OGFOD1: variants seen among roughly 807,000 people sequenced by gnomAD.
The protein encoded by OGFOD1 is 2-oxoglutarate and iron dependent oxygenase domain containing 1, also known as prolyl 3-hydroxylase OGFOD1.
In OGFOD1, 54 loss-of-function variants were observed where a neutral mutation model predicts 67.7. The ratio of observed to expected loss-of-function variants is 0.80; its 90% CI spans 0.64 to 1.00. The LOEUF is 1.00. OGFOD1 is among the 50% of genes least tolerant of loss of function. OGFOD1 has a pLI of 0.00. For missense variants in OGFOD1, 606 were observed against 646.7 expected, an observed-to-expected ratio of 0.94 and a Z score of 0.68; for synonymous variants, 221 against 227.0, an observed-to-expected ratio of 0.97 and a Z score of 0.24.
chr16:56,457,177 CAATTT>C (rs1264987590), intron 2 of OGFOD1, among the ~76,000 whole-genome samples: 1 of 152,080 alleles, frequency 6.6e-6, no homozygotes, highest in Non-Finnish European at 1.5e-5. Flanking sequence ...AAAGTGGAAA[CAATTT>C]AATGAATAAA....
chr16:56,467,416 T>A, intron 7 of OGFOD1, 123 bp downstream of exon 7: 2 of 991,696 alleles, frequency 2.0e-6, no homozygotes, highest in South Asian at 1.7e-5. Flanking sequence ...TCCACTTTTC[T>A]TTTTTTTTTC....
At chr16:56,472,535 T>C (rs1268659983) in intron 10 of OGFOD1, among the ~76,000 whole-genome samples, 8 of 152,200 alleles carry the variant, frequency 5.3e-5, no homozygotes, top group South Asian at 2.1e-4. Flanking sequence ...GTGCTAAACA[T>C]TGGCATAGCT....
chr16:56,478,706 G>C lies in OGFOD1; in HGVS notation c.*2501G>C, dbSNP rs1274536016. 1.3e-5 allele frequency: 2 copies of C among 152,156 alleles called. No individual in the cohort carries two copies. Among genetic ancestry groups the C allele is most frequent in the Non-Finnish European group, 2.9e-5 (2 of 68,042 alleles). 9.4% of individuals were successfully genotyped at this position (152,156 alleles called of 1,614,324 possible). On this transcript the variant is annotated 3_prime_UTR_variant, in exon 13 of 13. Coordinates refer to ENST00000566157, the MANE Select transcript of OGFOD1 (RefSeq NM_018233.4). ...ATCTGAATCTTAGAATACCTCACAAGTGTTAAAATGTGCTTTTTAGTGTCT... is the reference window on the plus strand; with the variant it reads ...ATCTGAATCTTAGAATACCTCACAACTGTTAAAATGTGCTTTTTAGTGTCT...
intron 8 of OGFOD1, among the ~76,000 whole-genome samples, chr16:56,468,383 A>T (rs1430147293): frequency 6.6e-6 from 1 of 152,198 alleles, no homozygotes; most frequent in Non-Finnish European, 1.5e-5. Context: ...GTTGTTGAAC[A>T]TTTGACAGTG....
intron 2 of OGFOD1, chr16:56,454,628 A>G (rs1962457287): frequency 3.1e-6 from 1 of 327,720 alleles, no homozygotes. Flanking sequence ...AACCTCAGGG[A>G]CATCTGTGCT....
chr16:56,458,748 A>G (rs1962611699), intron 3 of OGFOD1, 154 bp downstream of exon 3: 1 of 630,228 alleles, frequency 1.6e-6, no homozygotes, highest in Admixed American at 2.9e-5. Flanking sequence ...TTGAGTTTGC[A>G]TAGCTTAAAA....
At chr16:56,467,086 G>T in intron 6 of OGFOD1, 79 bp from the exon 7 acceptor site, 1 of 1,591,282 alleles carries the variant, frequency 6.3e-7, no homozygotes, top group Non-Finnish European at 8.6e-7. Context: ...GCTTAGCATG[G>T]AGGACCCTGA....
chr16:56,462,025 A>C (rs1358815649), intron 3 of OGFOD1, among the ~76,000 whole-genome samples: 1 of 151,908 alleles, frequency 6.6e-6, no homozygotes, highest in Non-Finnish European at 1.5e-5. Flanking sequence ...CCCAGGAGGC[A>C]GAGGTTGCAA....
chr16:56,456,946 C>T (rs933266727), intron 2 of OGFOD1, among the ~76,000 whole-genome samples: 1 of 152,256 alleles, frequency 6.6e-6, no homozygotes, highest in Admixed American at 6.5e-5. Context: ...ACTACTTCCA[C>T]TGCCAAAGGC....
intron 8 of OGFOD1, among the ~76,000 whole-genome samples, chr16:56,469,507 A>G (rs1963051914): frequency 6.6e-6 from 1 of 152,138 alleles, no homozygotes; most frequent in African/African-American, 2.4e-5. Context: ...CCAATGATGT[A>G]TCCAGTCTTC....
intron 9 of OGFOD1, 158 bp from the exon 10 acceptor site, chr16:56,470,329 C>A: frequency 1.3e-6 from 1 of 747,238 alleles, no homozygotes; most frequent in Non-Finnish European, 2.1e-6. Flanking sequence ...GATGTCCTAA[C>A]AAAATCCTAA....
At chr16:56,474,390 G>A (rs909401609) in intron 10 of OGFOD1, among the ~76,000 whole-genome samples, 22 of 145,274 alleles carry the variant, frequency 1.5e-4, no homozygotes, top group Admixed American at 1.2e-3. Context: ...GCACAATCTC[G>A]GCTTACCACA....
chr16:56,466,847 ATTT>A (rs755745667), intron 5 of OGFOD1, 26 bp from the exon 6 acceptor site: 1 of 1,531,848 alleles, frequency 6.5e-7, no homozygotes, highest in South Asian at 1.1e-5. Flanking sequence ...GTTAATGATA[ATTT>A]ATTGATGTGT....
chr16:56,470,880 T>A, intron 10 of OGFOD1, 89 bp downstream of exon 10: 1 of 1,297,452 alleles, frequency 7.7e-7, no homozygotes, highest in Non-Finnish European at 1.0e-6. Flanking sequence ...ATTGAGCATC[T>A]ACTGTGCCCT....
At chr16:56,473,222 G>T (rs776716584) in intron 10 of OGFOD1, among the ~76,000 whole-genome samples, 5 of 152,062 alleles carry the variant, frequency 3.3e-5, no homozygotes, top group Non-Finnish European at 7.4e-5. Flanking sequence ...GAGCCACCAC[G>T]CCTGGCCACC....
At chr16:56,455,876 AC>A (rs1962507708) in intron 2 of OGFOD1, among the ~76,000 whole-genome samples, 1 of 152,110 alleles carries the variant, frequency 6.6e-6, no homozygotes, top group Non-Finnish European at 1.5e-5. Flanking sequence ...GAAAAAAAAA[AC>A]TGTTCTTTTC....
Position 56,451,736 on chromosome 16 carries a change from GC to G in OGFOD1, c.126del (p.Trp43GlyfsTer23), listed in dbSNP as rs1222696472. ...EETLKKQVAEAWSRRTPFSHE... is the reference protein window; with the variant it reads ...EETLKKQVAEXWSRRTPFSHE... ...AACCTTGAAAAAGCAGGTGGCTGAGGCCTGGAGCCGCAGGACGCCGTTCAGT... is the reference window on the plus strand; with the variant it reads ...AACCTTGAAAAAGCAGGTGGCTGAGGCTGGAGCCGCAGGACGCCGTTCAGT... On this transcript the variant is annotated frameshift_variant, in exon 1 of 13. Coordinates refer to ENST00000566157, the MANE Select transcript of OGFOD1 (RefSeq NM_018233.4). LOFTEE classifies it high-confidence loss of function. 1 of 1,613,124 alleles carries G rather than the reference GC, an allele frequency of 6.2e-7. No homozygotes were observed.
chr16:56,475,606 G>A (rs1179531813), intron 12 of OGFOD1, 41 bp downstream of exon 12: 1 of 1,575,852 alleles, frequency 6.3e-7, no homozygotes, highest in South Asian at 1.1e-5. Flanking sequence ...TTTAGTTATT[G>A]AGAATGCTTT....
intron 3 of OGFOD1, among the ~76,000 whole-genome samples, chr16:56,462,092 C>CAAA (rs529147206): frequency 7.7e-6 from 1 of 130,116 alleles, no homozygotes; most frequent in Non-Finnish European, 1.7e-5. Flanking sequence ...GACTCTATCT[C>CAAA]AAAAAAAAAA....
Sources: gnomAD v4.1 joint callset for allele counts (sites outside exome capture counted in the v4.1 genomes callset) on GRCh38, gnomAD v4.1.1 for gene constraint, MANE v1.5 for transcripts, NCBI Gene and HGNC (gene_info 2026-07-23, HGNC 2026-07-21) for gene names.